The following PCGF5 variants were observed in gnomAD, a reference collection of about 807,000 sequenced individuals.
PCGF5 encodes polycomb group RING finger protein 5.
PCGF5 carries 9 observed loss-of-function variants against 44.3 expected under a neutral mutation model. That is an observed-to-expected ratio of 0.20 (90% CI 0.12 to 0.35). The LOEUF (loss-of-function observed/expected upper bound fraction) is 0.35. Among genes scored for constraint, PCGF5 ranks in the 10% least tolerant of loss-of-function variants. The probability of loss-of-function intolerance (pLI) is 1.00; values close to 1 mark genes in which losing one functional copy is unlikely to be tolerated. For synonymous variants in PCGF5, 95 were observed against 102.5 expected (o/e 0.93, Z 0.44); for missense variants, 146 against 305.3 (o/e 0.48, Z 3.89).
intron 6 of PCGF5, among the ~76,000 whole-genome samples, chr10:91,260,165 C>T (rs935225165): frequency 2.9e-4 from 39 of 132,596 alleles, no homozygotes; most frequent in Non-Finnish European, 5.2e-4. Context: ...TGAACAGACA[C>T]TTCTCAAAAG....
At chr10:91,177,202 C>T (rs181709370) in intron 1 of PCGF5, among the ~76,000 whole-genome samples, 1,765 of 152,288 alleles carry the variant, frequency 0.012, 24 homozygotes, top group African/African-American at 0.04. Context: ...GTATCAGCAG[C>T]AGAGGCTGCA....
chr10:91,250,367 G>GT (rs1465450526), intron 5 of PCGF5, among the ~76,000 whole-genome samples: 3 of 151,834 alleles, frequency 2.0e-5, no homozygotes, highest in African/African-American at 7.3e-5. Context: ...ATTTTTTCAA[G>GT]TGTTAGCTTA....
chr10:91,215,096 T>A (rs912192277), intron 1 of PCGF5, among the ~76,000 whole-genome samples: 4 of 152,220 alleles, frequency 2.6e-5, no homozygotes, highest in African/African-American at 7.2e-5. Flanking sequence ...GTAATAAGCA[T>A]CACCCTCCTA....
intron 3 of PCGF5, among the ~76,000 whole-genome samples, chr10:91,246,968 TAGATAGATAGA>T: frequency 7.1e-4 from 1 of 1,416 alleles, no homozygotes; most frequent in Non-Finnish European, 3.3e-3. Context: ...GATAGATGGA[TAGATAGATAGA>T]TAGATAGATA....
chr10:91,176,654 T>C (rs1843713009), intron 1 of PCGF5, among the ~76,000 whole-genome samples: 1 of 152,220 alleles, frequency 6.6e-6, no homozygotes, highest in Non-Finnish European at 1.5e-5. Flanking sequence ...ATTTCATTCA[T>C]TTGATCTTCC....
rs895077296 is a variant in PCGF5, at chr10:91,206,829, A to G, written c.-183-15860A>G. ...ACGCTCTTCCCCCAGTTACCTGCAC[A>G]GTTTAGTCCCTTACCTCATTCAGAT... On this transcript the variant is annotated intron_variant, in intron 1 of 9. Coordinates refer to the PCGF5 transcript ENST00000614189. Among the ~76,000 whole-genome samples, 120 of 152,194 alleles carry G rather than the reference A, an allele frequency of 7.9e-4. 1 individual carries two copies. The highest frequency in any genetic ancestry group is 2.7e-3 in the African/African-American group (111 of 41,446).
intron 2 of PCGF5, among the ~76,000 whole-genome samples, chr10:91,235,629 A>T (rs1333661664): frequency 6.6e-6 from 1 of 152,104 alleles, no homozygotes; most frequent in African/African-American, 2.4e-5. Context: ...AACTCCCACA[A>T]TTTCCATGTG....
intron 1 of PCGF5, among the ~76,000 whole-genome samples, chr10:91,197,084 T>G (rs1844146876): frequency 6.6e-6 from 1 of 152,242 alleles, no homozygotes; most frequent in African/African-American, 2.4e-5. Flanking sequence ...CATGTCCTGG[T>G]TGTCTAAAGC....
upstream of PCGF5, among the ~76,000 whole-genome samples, chr10:91,158,677 A>C (rs1843347057): frequency 6.6e-6 from 1 of 152,172 alleles, no homozygotes; most frequent in South Asian, 2.1e-4. Context: ...AGGGACAAAG[A>C]AATTTGTTCT....
rs538391605 is a variant in PCGF5 at position 91,213,628 on chromosome 10, C to CTT, written c.-183-9052_-183-9051dup. On this transcript the variant is annotated intron_variant, in intron 1 of 9. Transcript: ENST00000614189. ...TATAGGCATGCACCACCACACCAGG[C>CTT]TTTTTTTTTTCTTTTTTTTTTTCTT... is the stretch of plus-strand genomic sequence containing the variant. 5.6e-3 allele frequency among the ~76,000 whole-genome samples: 822 copies of CTT among 146,170 alleles called. 4 individuals carry two copies. The highest frequency in any genetic ancestry group is 7.9e-3 in the Non-Finnish European group (523 of 66,180).
upstream of PCGF5, among the ~76,000 whole-genome samples, chr10:91,158,475 A>G (rs943631227): frequency 6.6e-6 from 1 of 152,186 alleles, no homozygotes; most frequent in African/African-American, 2.4e-5. Context: ...GCATTACTCA[A>G]GTCAGTCAGT....
At chr10:91,165,522 C>A (rs1253211124) in intron 1 of PCGF5, among the ~76,000 whole-genome samples, 1 of 152,138 alleles carries the variant, frequency 6.6e-6, no homozygotes, top group Non-Finnish European at 1.5e-5. Context: ...GAGGCAGGGT[C>A]TCTCTCACTC....
chr10:91,234,785 T>C (rs1474801817), intron 2 of PCGF5, among the ~76,000 whole-genome samples: 1 of 152,204 alleles, frequency 6.6e-6, no homozygotes, highest in African/African-American at 2.4e-5. Context: ...CCCTGTGAGA[T>C]AGGTACCTTT....
At chr10:91,205,511 G>A (rs1844331770) in intron 1 of PCGF5, among the ~76,000 whole-genome samples, 1 of 152,158 alleles carries the variant, frequency 6.6e-6, no homozygotes, top group Non-Finnish European at 1.5e-5. Flanking sequence ...AAACAATGTT[G>A]TAAACATTAT....
chr10:91,181,870 C>T (rs1462405644), intron 1 of PCGF5, among the ~76,000 whole-genome samples: 1 of 152,168 alleles, frequency 6.6e-6, no homozygotes, highest in African/African-American at 2.4e-5. Context: ...CAGAATGATG[C>T]TGGCCTCATA....
chr10:91,220,032 G>A (rs1397180198), upstream of PCGF5: 1 of 152,144 alleles, frequency 6.6e-6, no homozygotes, highest in Non-Finnish European at 1.5e-5. Context: ...GGTTTTTGCA[G>A]TGAATGGTCT....
At chr10:91,228,178 C>T (rs750292386) in intron 2 of PCGF5, among the ~76,000 whole-genome samples, 24 of 151,600 alleles carry the variant, frequency 1.6e-4, no homozygotes, top group African/African-American at 5.6e-4. Flanking sequence ...CACCAGGTGA[C>T]CCTGGTGAAA....
intron 1 of PCGF5, among the ~76,000 whole-genome samples, chr10:91,165,287 T>A (rs375372675): frequency 1.3e-5 from 2 of 152,258 alleles, no homozygotes; most frequent in South Asian, 4.1e-4. Flanking sequence ...TGTTACTATG[T>A]AACTTCTGGA....
At chr10:91,233,719 ACAGTTTACTTATAAACTGTTAG>A (rs1186235154) in intron 2 of PCGF5, among the ~76,000 whole-genome samples, 15 of 152,204 alleles carry the variant, frequency 9.9e-5, no homozygotes, top group African/African-American at 3.4e-4. Context: ...GAACATGACC[ACAGTTTACTTATAAACTGTTAG>A]CAGATAAGAG....
Sources: allele counts gnomAD v4.1 joint callset (sites outside exome capture counted in the v4.1 genomes callset), GRCh38; gene constraint gnomAD v4.1.1; transcripts MANE v1.5; gene names NCBI Gene and HGNC (gene_info 2026-07-23, HGNC 2026-07-21).